INPP4B: variants seen among roughly 807,000 people sequenced by gnomAD.
The protein encoded by INPP4B is inositol polyphosphate 4-phosphatase type II.
INPP4B carries 55 observed loss-of-function variants against 122.5 expected under a neutral mutation model. The observed-to-expected ratio is 0.45, with a 90% confidence interval of 0.36 to 0.56. The LOEUF (loss-of-function observed/expected upper bound fraction) is 0.56. Among genes scored for constraint, INPP4B ranks in the 20% least tolerant of loss-of-function variants. The pLI, the probability that INPP4B is intolerant of heterozygous loss-of-function variation, is 0.00. For synonymous variants in INPP4B, 403 were observed against 388.7 expected (o/e 1.04, Z -0.43); for missense variants, 1,000 against 1,097.7 (o/e 0.91, Z 1.26).
intron 2 of INPP4B, among the ~76,000 whole-genome samples, chr4:142,636,052 T>TC (rs888630800): frequency 3.9e-5 from 6 of 152,060 alleles, no homozygotes; most frequent in African/African-American, 1.4e-4. Flanking sequence ...GGGGGCAGTT[T>TC]CCCCCATGCA....
chr4:142,325,916 A>C (rs1017552357), intron 7 of INPP4B, among the ~76,000 whole-genome samples: 1 of 147,498 alleles, frequency 6.8e-6, no homozygotes, highest in Non-Finnish European at 1.5e-5. Context: ...TATTATAGAG[A>C]TCTATTACAA....
chr4:142,412,410 C>G (rs932121111), intron 5 of INPP4B, among the ~76,000 whole-genome samples: 14 of 152,022 alleles, frequency 9.2e-5, no homozygotes, highest in African/African-American at 3.4e-4. Context: ...GGATGTCAAC[C>G]TCTCCAGCTC....
chr4:142,188,959 C>G (rs1182409976), intron 15 of INPP4B, among the ~76,000 whole-genome samples: 1 of 152,154 alleles, frequency 6.6e-6, no homozygotes. Context: ...GGTTTTGCCT[C>G]TAGTTCTCCC....
At chr4:142,299,169 TGG>T (rs71250020) in intron 9 of INPP4B, among the ~76,000 whole-genome samples, 2 of 145,672 alleles carry the variant, frequency 1.4e-5, no homozygotes, top group Non-Finnish European at 3.0e-5. Context: ...TTTTTTTTTT[TGG>T]GGGGGAGACA....
At chr4:142,207,359 T>G (rs928343592) in intron 14 of INPP4B, among the ~76,000 whole-genome samples, 2 of 152,164 alleles carry the variant, frequency 1.3e-5, no homozygotes, top group East Asian at 3.9e-4. Context: ...TTTAGGAACC[T>G]CCATATTTGT....
intron 3 of INPP4B, among the ~76,000 whole-genome samples, chr4:142,448,584 C>T (rs1200751214): frequency 1.3e-5 from 2 of 152,052 alleles, no homozygotes; most frequent in African/African-American, 4.8e-5. Flanking sequence ...AAGTAAGGAT[C>T]AGACAAATGC....
intron 2 of INPP4B, chr4:142,468,028 A>T (rs1345726259): frequency 6.6e-6 from 1 of 152,104 alleles, no homozygotes; most frequent in Non-Finnish European, 1.5e-5. Context: ...TCAGGAGCAG[A>T]TTTCCAGTAC....
chr4:142,452,910 T>TA (rs1814614667), intron 3 of INPP4B, among the ~76,000 whole-genome samples: 1 of 150,182 alleles, frequency 6.7e-6, no homozygotes, highest in African/African-American at 2.5e-5. Context: ...CAACAACGGT[T>TA]TAAAAAAAAA....
At chr4:142,170,779 G>A (rs1024758980) in intron 16 of INPP4B, among the ~76,000 whole-genome samples, 1 of 151,658 alleles carries the variant, frequency 6.6e-6, no homozygotes, top group African/African-American at 2.4e-5. Flanking sequence ...ACAGGCCTGT[G>A]TTTTATTCCA....
intron 12 of INPP4B, among the ~76,000 whole-genome samples, chr4:142,220,496 A>G (rs1057286504): frequency 9.2e-5 from 14 of 152,226 alleles, no homozygotes; most frequent in Non-Finnish European, 1.9e-4. Context: ...CTCATTTGCC[A>G]TTCATAACAA....
intron 15 of INPP4B, among the ~76,000 whole-genome samples, chr4:142,191,968 T>G (rs906040695): frequency 6.6e-6 from 1 of 152,132 alleles, no homozygotes; most frequent in Non-Finnish European, 1.5e-5. Flanking sequence ...CTTTAAATGC[T>G]TTCTTCCTAA....
chr4:142,145,769 A>G, intron 18 of INPP4B, 71 bp downstream of exon 18: 12 of 1,463,962 alleles, frequency 8.2e-6, no homozygotes. Flanking sequence ...CTTCTTCTAT[A>G]TCATTTTTTT....
intron 7 of INPP4B, among the ~76,000 whole-genome samples, chr4:142,329,259 C>T (rs905003614): frequency 6.5e-4 from 99 of 152,214 alleles, no homozygotes; most frequent in African/African-American, 2.3e-3. Flanking sequence ...AACTTTGATT[C>T]AGACCTGCAT....
intron 7 of INPP4B, among the ~76,000 whole-genome samples, chr4:142,372,176 C>T (rs923954423): frequency 1.3e-5 from 2 of 151,842 alleles, no homozygotes; most frequent in African/African-American, 4.8e-5. Flanking sequence ...TGAAATAAGC[C>T]AGGCAAGAAA....
intron 18 of INPP4B, among the ~76,000 whole-genome samples, chr4:142,128,918 C>T (rs1343187702): frequency 1.3e-5 from 2 of 152,196 alleles, no homozygotes; most frequent in African/African-American, 4.8e-5. Context: ...ATGCTTTCTT[C>T]ACAATTTCTG....
intron 5 of INPP4B, among the ~76,000 whole-genome samples, chr4:142,408,278 G>A (rs1803864013): frequency 6.6e-6 from 1 of 151,706 alleles, no homozygotes; most frequent in Non-Finnish European, 1.5e-5. Context: ...AAAGTGAATG[G>A]GTGAGGTGGC....
At chr4:142,268,348 G>GAAAAAAAAAAAAAAAAAA (rs1383781390) in intron 10 of INPP4B, among the ~76,000 whole-genome samples, 6 of 26,770 alleles carry the variant, frequency 2.2e-4, no homozygotes, top group Non-Finnish European at 4.6e-4. Context: ...AAAAAAAAAT[G>GAAAAAAAAAAAAAAAAAA]AGGGGTAAGT....
intron 2 of INPP4B, among the ~76,000 whole-genome samples, chr4:142,624,407 A>T (rs949839820): frequency 3.6e-4 from 55 of 151,170 alleles, no homozygotes; most frequent in Admixed American, 3.1e-3. Flanking sequence ...CCACTTTTTG[A>T]TGGGGTTGTT....
At chr4:142,184,823 A>T (rs1429735290) in intron 15 of INPP4B, among the ~76,000 whole-genome samples, 1 of 152,116 alleles carries the variant, frequency 6.6e-6, no homozygotes, top group Admixed American at 6.6e-5. Flanking sequence ...GAGGGGAGGG[A>T]AAGATGATGG....
Sources: allele counts gnomAD v4.1 joint callset (sites outside exome capture counted in the v4.1 genomes callset), GRCh38; gene constraint gnomAD v4.1.1; transcripts MANE v1.5; gene names NCBI Gene and HGNC (gene_info 2026-07-23, HGNC 2026-07-21).